ADCY9: variants seen among roughly 807,000 people sequenced by gnomAD.
The protein encoded by ADCY9 is adenylate cyclase type 9.
A neutral mutation model predicts 101.5 loss-of-function variants in ADCY9; 50 were observed. That is an observed-to-expected ratio of 0.49 (90% CI 0.39 to 0.62). The LOEUF is 0.62. Among genes scored for constraint, ADCY9 ranks in the 20% least tolerant of loss-of-function variants. The probability of loss-of-function intolerance (pLI) is 0.00; values close to 1 mark genes in which losing one functional copy is unlikely to be tolerated. For synonymous variants in ADCY9, 905 were observed against 769.3 expected (o/e 1.18, Z -2.92); for missense variants, 1,662 against 1,800.4 (o/e 0.92, Z 1.39).
intron 2 of ADCY9, among the ~76,000 whole-genome samples, chr16:4,059,995 C>A (rs1415059327): frequency 6.6e-6 from 1 of 152,204 alleles, no homozygotes; most frequent in Non-Finnish European, 1.5e-5. Flanking sequence ...CCCCTCCTTC[C>A]CCTCAGCTCA....
rs1029654915 is a variant in ADCY9 at position 4,028,175 on chromosome 16, T to C, written c.1694-20617A>G. 5.3e-5 allele frequency among the ~76,000 whole-genome samples: 8 copies of C among 152,306 alleles called. No homozygotes were observed. The South Asian group carries it at 8.3e-4, about 16-fold the overall frequency. On this transcript the variant is annotated intron_variant, in intron 2 of 10. Coordinates refer to ENST00000294016, the MANE Select transcript of ADCY9 (RefSeq NM_001116.4). ...ATGTGTTATGATCCTTAGAACCGTA[T>C]AGCAAGAGAAAAAAGTCAGTTCACA...
intron 10 of ADCY9, among the ~76,000 whole-genome samples, chr16:3,969,569 A>AAAATATATATATAT (rs2056029345): frequency 2.2e-5 from 1 of 45,228 alleles, no homozygotes; most frequent in South Asian, 6.7e-4. Flanking sequence ...GTTTGTTTGA[A>AAAATATATATATAT]ATATATATAT....
chr16:4,039,915 T>A (rs1194086408), intron 2 of ADCY9, among the ~76,000 whole-genome samples: 4 of 152,044 alleles, frequency 2.6e-5, no homozygotes, highest in African/African-American at 7.2e-5. Context: ...GGTGCACACC[T>A]GTAGTCCCAG....
intron 3 of ADCY9, among the ~76,000 whole-genome samples, chr16:4,004,009 C>A (rs1409195533): frequency 6.6e-6 from 1 of 151,634 alleles, no homozygotes; most frequent in Non-Finnish European, 1.5e-5. Flanking sequence ...GTAATCCCAG[C>A]ATTTTAAGAG....
chr16:4,007,488 A>G lies in ADCY9; in HGVS notation c.1764T>C (p.Leu588=). ...ESRCSCAEAL[L]SGFEVIDGSQ... is the part of the protein sequence containing the mutation. ...AGCCGTCAATGACCTCAAAGCCAGA[A>G]AGCAAGGCCTCTGCACAGCTGCAGC... Residue 588 remains leucine, a synonymous_variant, in exon 3 of 11, where the codon CTT becomes CTC. Coordinates refer to ENST00000294016, the MANE Select transcript of ADCY9 (RefSeq NM_001116.4). 6 of 1,614,136 alleles carry G rather than the reference A, an allele frequency of 3.7e-6. No homozygotes were observed. The highest frequency in any genetic ancestry group is 5.1e-6 in the Non-Finnish European group (6 of 1,180,028).
chr16:4,027,237 T>G (rs1421772499), intron 2 of ADCY9, among the ~76,000 whole-genome samples: 4 of 152,230 alleles, frequency 2.6e-5, no homozygotes, highest in Non-Finnish European at 5.9e-5. Context: ...TTCATTTCAG[T>G]AAATCTGTGC....
chr16:4,109,019 A>T (rs1305071687), intron 2 of ADCY9, among the ~76,000 whole-genome samples: 1 of 151,940 alleles, frequency 6.6e-6, no homozygotes, highest in African/African-American at 2.4e-5. Context: ...CACTTTTTAG[A>T]TTATTTCCAA....
intron 3 of ADCY9, among the ~76,000 whole-genome samples, chr16:4,003,323 G>A (rs989554906): frequency 1.3e-4 from 20 of 152,120 alleles, no homozygotes; most frequent in Admixed American, 1.3e-4. Context: ...AGGCAAGCTG[G>A]GACCGTCTCT....
At chr16:4,079,625 G>A (rs1180150298) in intron 2 of ADCY9, among the ~76,000 whole-genome samples, 1 of 152,062 alleles carries the variant, frequency 6.6e-6, no homozygotes, top group African/African-American at 2.4e-5. Flanking sequence ...TAAGTGGAAA[G>A]GTATTCATGA....
intron 3 of ADCY9, among the ~76,000 whole-genome samples, chr16:3,995,182 C>G (rs2056277174): frequency 6.6e-6 from 1 of 152,112 alleles, no homozygotes; most frequent in Admixed American, 6.6e-5. Context: ...AATCCCAGCA[C>G]TTTGGGAAGC....
At chr16:4,010,353 C>T (rs931751203) in intron 2 of ADCY9, among the ~76,000 whole-genome samples, 3 of 152,194 alleles carry the variant, frequency 2.0e-5, no homozygotes, top group Non-Finnish European at 2.9e-5. Flanking sequence ...AGCTGGAGCA[C>T]GACGGGACAG....
Position 3,965,872 on chromosome 16 carries a change from C to T in ADCY9, c.3965G>A (p.Gly1322Asp), listed in dbSNP as rs774279006. 4.3e-6 allele frequency: 7 copies of T among 1,614,198 alleles called. No individual in the cohort carries two copies. In the Admixed American group the frequency reaches 1.0e-4, roughly 23 times the overall value. The change falls in exon 11 of 11, where the codon GGT becomes GAT. Residue 1322 changes from glycine (G) to aspartate (D), a missense_variant. Physicochemically the swap from Gly to Asp is moderately conservative, Grantham distance 94 (BLOSUM62 -1). Transcript: ENST00000294016. ...TTTCTCTATGGCTTTGCCAAATCGACCCCTTTCTTCGGCTTTGACGGGCTC... is the reference window on the plus strand; with the variant it reads ...TTTCTCTATGGCTTTGCCAAATCGATCCCTTTCTTCGGCTTTGACGGGCTC... ...WKEPVKAEER[G>D]RFGKAIEKDD... is the part of the protein sequence containing the mutation.
At chr16:3,990,478 A>T (rs77096588) in intron 5 of ADCY9, among the ~76,000 whole-genome samples, 1 of 151,910 alleles carries the variant, frequency 6.6e-6, no homozygotes, top group African/African-American at 2.4e-5. Flanking sequence ...AAAAAAAAAA[A>T]AAGAGTAAAT....
chr16:4,097,809 A>G (rs1363298069), intron 2 of ADCY9, among the ~76,000 whole-genome samples: 1 of 151,756 alleles, frequency 6.6e-6, no homozygotes, highest in Non-Finnish European at 1.5e-5. Flanking sequence ...GGCCTCCCAA[A>G]GTGCTGGGAT....
intron 2 of ADCY9, among the ~76,000 whole-genome samples, chr16:4,064,785 G>A (rs1468261980): frequency 6.6e-6 from 1 of 151,890 alleles, no homozygotes; most frequent in Non-Finnish European, 1.5e-5. Context: ...GGCCAGCAAC[G>A]TGGTTTTTGT....
At chr16:4,014,456 GT>G (rs1228138735) in intron 2 of ADCY9, among the ~76,000 whole-genome samples, 1 of 149,584 alleles carries the variant, frequency 6.7e-6, no homozygotes, top group South Asian at 2.1e-4. Flanking sequence ...AAATTTTTTT[GT>G]TTTTTTTTGA....
At chr16:4,090,820 AG>A (rs2056968576) in intron 2 of ADCY9, among the ~76,000 whole-genome samples, 1 of 151,858 alleles carries the variant, frequency 6.6e-6, no homozygotes, top group Non-Finnish European at 1.5e-5. Flanking sequence ...GCCAATTTGA[AG>A]GGAACAGCCA....
At chr16:4,001,006 C>CACACACACACACACAT (rs1195273357) in intron 3 of ADCY9, among the ~76,000 whole-genome samples, 1 of 147,254 alleles carries the variant, frequency 6.8e-6, no homozygotes, top group African/African-American at 2.4e-5. Context: ...CACACACACA[C>CACACACACACACACAT]ACATATATAA....
At chr16:4,025,861 G>T in intron 2 of ADCY9, among the ~76,000 whole-genome samples, 1 of 152,200 alleles carries the variant, frequency 6.6e-6, no homozygotes, top group African/African-American at 2.4e-5. Context: ...GTGTGGCTAC[G>T]ATTGAGAGGA....
Sources: allele counts gnomAD v4.1 joint callset (sites outside exome capture counted in the v4.1 genomes callset), GRCh38; gene constraint gnomAD v4.1.1; transcripts MANE v1.5; gene names NCBI Gene and HGNC (gene_info 2026-07-23, HGNC 2026-07-21).